CUBN: variants seen among roughly 807,000 people sequenced by gnomAD.
CUBN encodes the protein 460 kDa receptor.
CUBN carries 282 observed loss-of-function variants against 405.3 expected under a neutral mutation model. The observed-to-expected ratio is 0.70, with a 90% CI of 0.63 to 0.77. CUBN has a LOEUF of 0.77. Ranked by LOEUF, CUBN falls within the 30% of genes least tolerant of loss-of-function variation. The probability of loss-of-function intolerance (pLI) is 0.00; values close to 1 mark genes in which losing one functional copy is unlikely to be tolerated. For synonymous variants in CUBN, 1,684 were observed against 1,617.0 expected, an observed-to-expected ratio of 1.04 and a Z score of -0.99; for missense variants, 4,514 against 4,475.2, an observed-to-expected ratio of 1.01 and a Z score of -0.25.
rs759291357 is a variant in CUBN at position 16,906,190 on chromosome 10, A to T, written c.7912+13T>A. 2 of 1,579,038 alleles carry T rather than the reference A, an allele frequency of 1.3e-6. No individual in the cohort carries two copies. Among genetic ancestry groups the T allele is most frequent in the Non-Finnish European group, 1.7e-6 (2 of 1,148,184 alleles). On this transcript the variant is annotated intron_variant, in intron 50 of 66. Coordinates refer to ENST00000377833, the MANE Select transcript of CUBN (RefSeq NM_001081.4). ...TAGATAAATGGGAAAACGCATTCTT[A>T]GATAGAACTCACCCACTCGAAACTC...
At chr10:17,078,372 C>T (rs1379153215) in intron 17 of CUBN, among the ~76,000 whole-genome samples, 3 of 152,180 alleles carry the variant, frequency 2.0e-5, no homozygotes, top group African/African-American at 4.8e-5. Context: ...AGTCCTCCTT[C>T]TCTCAGTTCT....
intron 28 of CUBN, among the ~76,000 whole-genome samples, chr10:17,007,337 A>G (rs1834055075): frequency 6.6e-6 from 1 of 152,132 alleles, no homozygotes; most frequent in Non-Finnish European, 1.5e-5. Context: ...GACCCGCATA[A>G]AAGGCCCTGC....
intron 14 of CUBN, among the ~76,000 whole-genome samples, chr10:17,095,332 A>AG: frequency 6.6e-6 from 1 of 152,096 alleles, no homozygotes; most frequent in Admixed American, 6.6e-5. Flanking sequence ...CTATGACATT[A>AG]GTCTGAGTAG....
chr10:16,918,607 T>TA lies in CUBN; in HGVS notation c.7000+14dup. ...ACCCCTGAACCTAAAATAAAAGTTT[T>TA]AAAAAAATTATTACCTATAGAATAC... On this transcript the variant is annotated intron_variant, in intron 45 of 66. Transcript: ENST00000377833. 2 of 1,606,394 alleles carry TA rather than the reference T, an allele frequency of 1.2e-6. No homozygotes were observed. Among genetic ancestry groups the TA allele is most frequent in the Admixed American group, 1.7e-5 (1 of 59,826 alleles).
At chr10:16,915,777 T>C (rs371189480) in intron 46 of CUBN, 44 bp downstream of exon 46, 1 of 1,502,754 alleles carries the variant, frequency 6.7e-7, no homozygotes, top group East Asian at 2.3e-5. Context: ...AATAAGTACA[T>C]GTGAAAATAA....
At chr10:17,109,611 C>A (rs774914747) in intron 10 of CUBN, 29 bp downstream of exon 10, 10 of 1,570,592 alleles carry the variant, frequency 6.4e-6, no homozygotes, top group Non-Finnish European at 8.8e-7. Flanking sequence ...TTACAATACC[C>A]AAAGCCAAAG....
chr10:16,948,354 T>C (rs1161442243), intron 35 of CUBN, 124 bp downstream of exon 35: 4 of 1,218,826 alleles, frequency 3.3e-6, no homozygotes, highest in African/African-American at 1.5e-5. Context: ...GAAGGTAAGA[T>C]TTGGCCCAGA....
chr10:17,113,672 G>A (rs1193879239), intron 8 of CUBN, among the ~76,000 whole-genome samples: 1 of 152,210 alleles, frequency 6.6e-6, no homozygotes, highest in Non-Finnish European at 1.5e-5. Context: ...ATGCAAAGAG[G>A]TCAAATAATT....
chr10:17,120,542 G>A (rs1275331930), intron 6 of CUBN, among the ~76,000 whole-genome samples: 1 of 152,180 alleles, frequency 6.6e-6, no homozygotes, highest in African/African-American at 2.4e-5. Flanking sequence ...ATAAAAGAGT[G>A]CAAGAGAGAA....
chr10:16,825,126 T>C (rs1285634467), intron 66 of CUBN, 44 bp from the exon 67 acceptor site: 1 of 1,404,564 alleles, frequency 7.1e-7, no homozygotes, highest in Admixed American at 1.8e-5. Flanking sequence ...TTTCACATAT[T>C]TGAACGTTTT....
intron 37 of CUBN, among the ~76,000 whole-genome samples, chr10:16,939,670 T>C (rs1396200968): frequency 6.6e-6 from 1 of 152,196 alleles, no homozygotes; most frequent in East Asian, 1.9e-4. Flanking sequence ...ATGTCTTAAA[T>C]GTGAAGAACG....
intron 43 of CUBN, 71 bp downstream of exon 43, chr10:16,925,170 G>C: frequency 2.2e-6 from 3 of 1,364,994 alleles, no homozygotes; most frequent in Non-Finnish European, 3.1e-6. Context: ...GTTCAGAAAA[G>C]AAAATTTTAT....
In CUBN at chr10:16,901,235, C is replaced by T. The variant is rs916979850; in HGVS notation, c.8184+103G>A. 6 of 1,497,482 alleles carry T rather than the reference C, an allele frequency of 4.0e-6. No individual in the cohort carries two copies. In the African/African-American group the frequency reaches 6.9e-5, roughly 17 times the overall value. 92.8% of individuals were successfully genotyped at this position (1,497,482 alleles called of 1,614,324 possible). Reference sequence around the variant, plus strand: ...AGTGATCTCATTGTAGAATCAAAGCCTTCTCTAATCACTTGCTTAATAAAA... The same window carrying T: ...AGTGATCTCATTGTAGAATCAAAGCTTTCTCTAATCACTTGCTTAATAAAA... On this transcript the variant is annotated intron_variant, in intron 52 of 66. Transcript: ENST00000377833.
chr10:16,825,112 T>C, intron 66 of CUBN, 30 bp from the exon 67 acceptor site: 4 of 1,487,392 alleles, frequency 2.7e-6, no homozygotes, highest in Non-Finnish European at 3.7e-6. Context: ...TATCCAATTA[T>C]ATATTTCACA....
At chr10:17,117,157 C>T (rs1240398244) in intron 6 of CUBN, among the ~76,000 whole-genome samples, 1 of 151,972 alleles carries the variant, frequency 6.6e-6, no homozygotes, top group Non-Finnish European at 1.5e-5. Flanking sequence ...CCGCATCTCT[C>T]TCTACTTTCC....
intron 36 of CUBN, among the ~76,000 whole-genome samples, chr10:16,942,872 A>AGGGAG (rs1842691412): frequency 7.4e-6 from 1 of 134,984 alleles, no homozygotes; most frequent in Non-Finnish European, 1.6e-5. Context: ...AAGGAAGGGA[A>AGGGAG]GGGAAGGGAG....
chr10:16,990,380 T>G lies in CUBN; in HGVS notation c.4304A>C (p.Asp1435Ala). 1 of 1,614,170 alleles carries G rather than the reference T, an allele frequency of 6.2e-7. No homozygotes were observed. Among genetic ancestry groups the G allele is most frequent in the Non-Finnish European group, 8.5e-7 (1 of 1,180,016 alleles). Residue 1435 changes from aspartate to alanine, a missense_variant, in exon 29 of 67, where the codon GAC becomes GCC. Asp to Ala is a moderately radical substitution (Grantham distance 126). This residue lies in a region of CUBN where 1,613 missense variants were observed against 1,542.8 expected (regional missense o/e 1.05). Coordinates refer to ENST00000377833, the MANE Select transcript of CUBN (RefSeq NM_001081.4). ...CCTTGAATGATACTCCACATCGAAG[T>G]CATGGATGGTGAGCTGAATGCTACT... ...PGSSIQLTIHDFDVEYHSRCN... is the reference protein window; with the variant it reads ...PGSSIQLTIHAFDVEYHSRCN...
chr10:16,869,980 G>T, intron 58 of CUBN, 127 bp from the exon 59 acceptor site: 2 of 729,832 alleles, frequency 2.7e-6, no homozygotes, highest in African/African-American at 1.8e-5. Context: ...CACTTGATAT[G>T]AAATATTAGA....
Position 16,990,357 on chromosome 10 carries a change from T to C in CUBN, c.4327A>G (p.Arg1443Gly), listed in dbSNP as rs759306210. ...ACCTCCAAGACATCAAAGTTGCACCTTGAATGATACTCCACATCGAAGTCA... is the reference window on the plus strand; with the variant it reads ...ACCTCCAAGACATCAAAGTTGCACCCTGAATGATACTCCACATCGAAGTCA... ...IHDFDVEYHS[R>G]CNFDVLEIYG... The change falls in exon 29 of 67, where the codon AGG (arginine) becomes GGG (glycine). Residue 1443 changes from arginine to glycine, a missense_variant. Coordinates refer to ENST00000377833, the MANE Select transcript of CUBN (RefSeq NM_001081.4). The C allele has an allele frequency of 3.7e-6, 6 of 1,614,102 alleles. No individual in the cohort carries two copies. Among genetic ancestry groups the C allele is most frequent in the Non-Finnish European group, 3.4e-6 (4 of 1,180,042 alleles).
Sources: gnomAD v4.1 joint callset for allele counts (sites outside exome capture counted in the v4.1 genomes callset) on GRCh38, gnomAD v4.1.1 for gene constraint, gnomAD v4.1.1 regional missense constraint, MANE v1.5 for transcripts, NCBI Gene and HGNC (gene_info 2026-07-23, HGNC 2026-07-21) for gene names.